The following PHEX variants were observed in gnomAD, a reference collection of about 807,000 sequenced individuals.
PHEX encodes phosphate regulating endopeptidase X-linked, also known as phosphate-regulating neutral endopeptidase PHEX.
PHEX carries 16 observed loss-of-function variants against 68.0 expected under a neutral mutation model. The observed-to-expected ratio is 0.24, with a 90% CI of 0.16 to 0.36. The LOEUF is 0.36. Among genes scored for constraint, PHEX ranks in the 10% least tolerant of loss-of-function variants. The pLI is 1.00. For missense variants in PHEX, 480 were observed against 575.5 expected, an observed-to-expected ratio of 0.83 and a Z score of 1.70; for synonymous variants, 208 against 205.1, an observed-to-expected ratio of 1.01 and a Z score of -0.12.
intron 9 of PHEX, among the ~76,000 whole-genome samples, chrX:22,106,425 C>A (rs1930690488): frequency 1.8e-5 from 2 of 111,565 alleles, no homozygotes. Context: ...TGTGAAGCAT[C>A]TTTGTTGGAG....
At chrX:22,098,093 G>GT (rs879094593) in intron 8 of PHEX, 10,383 of 89,009 alleles carry the variant, frequency 0.12, 1,060 homozygotes, top group African/African-American at 0.31. Flanking sequence ...TTCCTCTTGT[G>GT]TTTTTTTTTT....
At chrX:22,088,758 T>C (rs1315405667) in intron 5 of PHEX, among the ~76,000 whole-genome samples, 1 of 111,691 alleles carries the variant, frequency 9.0e-6, no homozygotes, top group Non-Finnish European at 1.9e-5. Context: ...GGCTTGTCTT[T>C]TTATTCTGTT....
At chrX:22,234,031 T>C (rs1358198839) in intron 20 of PHEX, among the ~76,000 whole-genome samples, 1 of 112,692 alleles carries the variant, frequency 8.9e-6, no homozygotes, top group African/African-American at 3.2e-5. Flanking sequence ...GTTTGTTTGT[T>C]AGTTTTCCTT....
At chrX:22,041,431 T>C (rs1462245656) in intron 2 of PHEX, among the ~76,000 whole-genome samples, 1 of 108,800 alleles carries the variant, frequency 9.2e-6, no homozygotes, top group Non-Finnish European at 1.9e-5. Context: ...GGAGGCTAAA[T>C]AACTGCCCAG....
At chrX:22,097,964 GC>G in intron 8 of PHEX, 1 of 159,613 alleles carries the variant, frequency 6.3e-6, no homozygotes, top group Non-Finnish European at 1.2e-5. Flanking sequence ...GATGGGATTG[GC>G]CAGGCTGGTC....
chrX:22,073,635 GTTT>G (rs1182752837), intron 3 of PHEX, among the ~76,000 whole-genome samples: 7 of 53,217 alleles, frequency 1.3e-4, no homozygotes, highest in Non-Finnish European at 1.4e-4. Flanking sequence ...CTGTGCTATA[GTTT>G]TTTTTTTTTT....
Position 22,077,601 on chromosome X carries a change from C to T in PHEX, c.562C>T (p.Leu188=). 2 of 1,210,933 alleles carry T rather than the reference C, an allele frequency of 1.7e-6. No individual in the cohort carries two copies. Among genetic ancestry groups the T allele is most frequent in the Non-Finnish European group, 2.2e-6 (2 of 894,743 alleles). The change falls in exon 5 of 22, where the codon CTG becomes TTG. Residue 188 remains leucine (L), a synonymous_variant. Coordinates refer to ENST00000379374, the MANE Select transcript of PHEX (RefSeq NM_000444.6). ...TTGGTCAGAGAGAAAGTTCAGCCTT[C>T]TGCAGACACTTGCAACGTTTCGTGG... ...GVWSERKFSL[L]QTLATFRGQY...
chrX:22,051,070 A>G (rs1226536581), intron 3 of PHEX, among the ~76,000 whole-genome samples: 1 of 111,729 alleles, frequency 9.0e-6, no homozygotes, highest in Non-Finnish European at 1.9e-5. Flanking sequence ...ATGTGTTTCT[A>G]TGCTCTGGGA....
intron 15 of PHEX, among the ~76,000 whole-genome samples, chrX:22,206,392 C>T (rs1423058015): frequency 8.9e-6 from 1 of 111,732 alleles, no homozygotes; most frequent in Non-Finnish European, 1.9e-5. Flanking sequence ...TTACCATGAA[C>T]CAGGTATTGT....
intron 20 of PHEX, among the ~76,000 whole-genome samples, chrX:22,233,094 ATTCTT>A (rs887005230): frequency 2.7e-5 from 3 of 111,465 alleles, no homozygotes; most frequent in Admixed American, 9.5e-5. Flanking sequence ...TGGGTTGAAA[ATTCTT>A]TTCTTTTCTT....
At chrX:22,067,740 A>T (rs1382714029) in intron 3 of PHEX, among the ~76,000 whole-genome samples, 1 of 111,640 alleles carries the variant, frequency 9.0e-6, no homozygotes, top group Non-Finnish European at 1.9e-5. Flanking sequence ...GTTTGTTAGT[A>T]ATGCAAAATC....
intron 15 of PHEX, among the ~76,000 whole-genome samples, chrX:22,191,581 G>GA (rs1260934162): frequency 2.7e-5 from 3 of 111,865 alleles, no homozygotes; most frequent in Middle Eastern, 4.2e-3. Flanking sequence ...CATCATGGGG[G>GA]ATCTTGTTAG....
chrX:22,063,116 GA>G (rs1289144942), intron 3 of PHEX, among the ~76,000 whole-genome samples: 1 of 111,457 alleles, frequency 9.0e-6, no homozygotes, highest in Non-Finnish European at 1.9e-5. Context: ...CAAACTAACT[GA>G]GTAGAAAACT....
At chrX:22,221,025 A>C (rs1020586389) in intron 17 of PHEX, among the ~76,000 whole-genome samples, 3 of 112,139 alleles carry the variant, frequency 2.7e-5, no homozygotes, top group African/African-American at 9.7e-5. Context: ...TTTTCTTTTT[A>C]GAGCAATCTT....
chrX:22,213,225 T>C (rs1934988293), intron 16 of PHEX, among the ~76,000 whole-genome samples: 1 of 112,226 alleles, frequency 8.9e-6, no homozygotes, highest in Non-Finnish European at 1.9e-5. Flanking sequence ...ATACTACCAG[T>C]ATTTGGACAT....
intron 20 of PHEX, among the ~76,000 whole-genome samples, chrX:22,236,646 A>G (rs1169785876): frequency 8.9e-6 from 1 of 112,835 alleles, no homozygotes; most frequent in Non-Finnish European, 1.9e-5. Context: ...TCATTTATTC[A>G]TGATCTGTAG....
chrX:22,088,057 G>A (rs1215525525), intron 5 of PHEX, among the ~76,000 whole-genome samples: 1 of 111,784 alleles, frequency 8.9e-6, no homozygotes, highest in Non-Finnish European at 1.9e-5. Flanking sequence ...CCTTTGCTAA[G>A]TCAAGCCCTC....
chrX:22,221,747 A>G lies in PHEX; in HGVS notation c.1899+4A>G. The G allele has an allele frequency of 8.3e-7, 1 of 1,204,113 alleles. No homozygotes were observed. Among genetic ancestry groups the G allele is most frequent in the Non-Finnish European group, 1.1e-6 (1 of 888,415 alleles). On this transcript the variant is annotated splice_donor_region_variant and intron_variant, in intron 18 of 21. Transcript: ENST00000379374. ...TTGGAAGAAAGCTGGCTTAAATGTG[A>G]GTACAACTGTGGCTAAGGGGGGCAC...
At chrX:22,234,859 C>CAAACA (rs1556176414) in intron 20 of PHEX, among the ~76,000 whole-genome samples, 6 of 106,626 alleles carry the variant, frequency 5.6e-5, no homozygotes, top group African/African-American at 2.1e-4. Flanking sequence ...AGAAAAACAA[C>CAAACA]AACAATGAAA....
Sources: gnomAD v4.1 joint callset for allele counts (sites outside exome capture counted in the v4.1 genomes callset) on GRCh38, gnomAD v4.1.1 for gene constraint, MANE v1.5 for transcripts, NCBI Gene and HGNC (gene_info 2026-07-23, HGNC 2026-07-21) for gene names.